PCDH15: variants seen among roughly 807,000 people sequenced by gnomAD.
The protein encoded by PCDH15 is protocadherin related 15.
In PCDH15, 129 loss-of-function variants were observed where a neutral mutation model predicts 178.5. The observed-to-expected ratio is 0.72, with a 90% CI of 0.63 to 0.84. The LOEUF is 0.84. Ranked by LOEUF, PCDH15 falls within the 40% of genes least tolerant of loss-of-function variation. The probability of loss-of-function intolerance (pLI) is 0.00; values close to 1 mark genes in which losing one functional copy is unlikely to be tolerated. For synonymous variants in PCDH15, 800 were observed against 732.0 expected, an observed-to-expected ratio of 1.09 and a Z score of -1.50; for missense variants, 2,230 against 2,099.9, an observed-to-expected ratio of 1.06 and a Z score of -1.21.
In PCDH15 at chr10:55,547,890, T is replaced by TGGGG. The variant is rs201162611; in HGVS notation, c.-156+79734_-156+79735insCCCC. On this transcript the variant is annotated intron_variant, in intron 2 of 5. Coordinates refer to the PCDH15 transcript ENST00000613346. ...AGGCTAACAATGCAGGGAGGTGGTG[T>TGGGG]GTGTGTCTGTGTGTGTGTGTGAGAG... Among the ~76,000 whole-genome samples the TGGGG allele has an allele frequency of 5.3e-4, 50 of 95,166 alleles. 1 individual carries two copies. The highest frequency in any genetic ancestry group is 3.1e-3 in the East Asian group (9 of 2,878). The allele number at this position is 95,166 out of a possible 152,430, so 62.4% of individuals were successfully genotyped here.
chr10:55,119,137 C>T (rs966384447), intron 2 of PCDH15, among the ~76,000 whole-genome samples: 2 of 152,034 alleles, frequency 1.3e-5, no homozygotes, highest in African/African-American at 2.4e-5. Flanking sequence ...TTTCATTGTC[C>T]CACCAGGCTT....
intron 3 of PCDH15, among the ~76,000 whole-genome samples, chr10:54,868,017 A>C (rs1230706002): frequency 6.6e-6 from 1 of 152,180 alleles, no homozygotes; most frequent in Non-Finnish European, 1.5e-5. Context: ...TGTGTTAATT[A>C]GCTTGTCTTA....
chr10:54,384,735 AGTTTTTCAGTCTTCCTACG>A lies in PCDH15; in HGVS notation c.158-5812_158-5794del, dbSNP rs1299683449. On this transcript the variant is annotated intron_variant, in intron 3 of 37. Transcript: ENST00000644397. ...AGAACAAATTAAAGTTTTTTCCCTT[AGTTTTTCAGTCTTCCTACG>A]GTTATAGCAGGAATGAAAATATTTA... 2.6e-5 allele frequency among the ~76,000 whole-genome samples: 4 copies of A among 152,206 alleles called. No homozygotes were observed. The East Asian group carries it at 7.7e-4, about 29-fold the overall frequency.
intron 25 of PCDH15, among the ~76,000 whole-genome samples, chr10:53,911,121 C>T (rs1183277897): frequency 1.3e-5 from 2 of 152,128 alleles, no homozygotes; most frequent in Non-Finnish European, 2.9e-5. Context: ...CTTCCTCAAC[C>T]TAGCAAGGCA....
At chr10:55,199,197 G>T (rs910137895) in intron 1 of PCDH15, among the ~76,000 whole-genome samples, 1 of 152,084 alleles carries the variant, frequency 6.6e-6, no homozygotes, top group African/African-American at 2.4e-5. Context: ...ACAAAATGCT[G>T]ATAGTGATAT....
chr10:54,128,163 C>T (rs1455013609), intron 15 of PCDH15, among the ~76,000 whole-genome samples: 1 of 152,016 alleles, frequency 6.6e-6, no homozygotes, highest in Admixed American at 6.6e-5. Context: ...CATTAAGAGG[C>T]TCAATATCAA....
intron 3 of PCDH15, among the ~76,000 whole-genome samples, chr10:54,890,708 C>G (rs182842534): frequency 2.6e-5 from 4 of 152,096 alleles, no homozygotes; most frequent in Admixed American, 1.3e-4. Flanking sequence ...TTGTCTTTAT[C>G]CATCAAAAAT....
At chr10:55,503,878 A>T (rs775729737) in intron 2 of PCDH15, among the ~76,000 whole-genome samples, 3 of 151,410 alleles carry the variant, frequency 2.0e-5, no homozygotes, top group Non-Finnish European at 4.4e-5. Context: ...TTTTTACTGT[A>T]TGATTCCGCG....
At chr10:54,965,059 A>T (rs181462841) in intron 2 of PCDH15, among the ~76,000 whole-genome samples, 99 of 152,334 alleles carry the variant, frequency 6.5e-4, no homozygotes, top group Non-Finnish European at 1.2e-3. Flanking sequence ...ATTAGCTATA[A>T]GCTGCATATT....
chr10:55,052,890 A>G (rs1020629340), intron 2 of PCDH15, among the ~76,000 whole-genome samples: 1 of 152,184 alleles, frequency 6.6e-6, no homozygotes, highest in Non-Finnish European at 1.5e-5. Flanking sequence ...TAATAGAAAG[A>G]GCATCACAGT....
chr10:54,282,691 T>C (rs1234502107), intron 8 of PCDH15, among the ~76,000 whole-genome samples: 1 of 152,078 alleles, frequency 6.6e-6, no homozygotes, highest in Non-Finnish European at 1.5e-5. Flanking sequence ...TGGAAATAAA[T>C]ATTTCATTAG....
In PCDH15 at chr10:54,646,621, G is replaced by A. The variant is rs1232859626; in HGVS notation, c.91+17551C>T. On this transcript the variant is annotated intron_variant, in intron 2 of 37. Coordinates refer to ENST00000644397, the MANE Select transcript of PCDH15 (RefSeq NM_001384140.1). ...TGATTAAGAGTGTGGCAGCATGATA[G>A]GGATTGTATTGGATCAGTAGGGCAG... Among the ~76,000 whole-genome samples the A allele has an allele frequency of 2.0e-5, 3 of 151,992 alleles. No homozygotes were observed. The East Asian group carries it at 5.8e-4, about 29-fold the overall frequency.
At chr10:54,382,325 C>T (rs1589136257) in intron 3 of PCDH15, among the ~76,000 whole-genome samples, 2 of 152,092 alleles carry the variant, frequency 1.3e-5, no homozygotes, top group Admixed American at 1.3e-4. Context: ...GAGAGATTAA[C>T]ATATTAAATT....
At chr10:54,930,659 GA>G (rs764735227) in intron 2 of PCDH15, among the ~76,000 whole-genome samples, 19 of 151,962 alleles carry the variant, frequency 1.3e-4, no homozygotes, top group Non-Finnish European at 2.5e-4. Context: ...TATTCTTATA[GA>G]AATAATAAAC....
chr10:55,576,714 C>T (rs1182094439), intron 2 of PCDH15, among the ~76,000 whole-genome samples: 2 of 143,752 alleles, frequency 1.4e-5, no homozygotes, highest in South Asian at 2.4e-4. Flanking sequence ...TATACCAAAA[C>T]CAAAATAACA....
intron 2 of PCDH15, among the ~76,000 whole-genome samples, chr10:55,509,481 G>T (rs1284088421): frequency 2.0e-5 from 3 of 151,644 alleles, no homozygotes; most frequent in Non-Finnish European, 2.9e-5. Flanking sequence ...AGAATTCAAG[G>T]TTATAGTTAC....
chr10:54,548,770 T>C (rs910881605), intron 2 of PCDH15, among the ~76,000 whole-genome samples: 1 of 151,106 alleles, frequency 6.6e-6, no homozygotes, highest in African/African-American at 2.4e-5. Flanking sequence ...GGTGACAACA[T>C]TTTCCTGTGT....
chr10:54,003,995 C>A (rs568700405), intron 20 of PCDH15, among the ~76,000 whole-genome samples: 2 of 152,136 alleles, frequency 1.3e-5, no homozygotes, highest in African/African-American at 2.4e-5. Flanking sequence ...ATATTCAAAT[C>A]AATCAATGTG....
At chr10:53,930,457 CAAAAAAAAAAAAAAA>C (rs60673116) in intron 25 of PCDH15, among the ~76,000 whole-genome samples, 1 of 50,332 alleles carries the variant, frequency 2.0e-5, no homozygotes, top group Non-Finnish European at 3.3e-5. Context: ...GACTCCCTCT[CAAAAAAAAAAAAAAA>C]AAAAAAAAAA....
Sources: gnomAD v4.1 joint callset for allele counts (sites outside exome capture counted in the v4.1 genomes callset) on GRCh38, gnomAD v4.1.1 for gene constraint, MANE v1.5 for transcripts, NCBI Gene and HGNC (gene_info 2026-07-23, HGNC 2026-07-21) for gene names.